Variants in ARHGAP15 observed in about 807,000 individuals in gnomAD.
ARHGAP15 encodes rho GTPase-activating protein 15.
In ARHGAP15, 51 loss-of-function variants were observed where a neutral mutation model predicts 63.7. The observed-to-expected ratio is 0.80, with a 90% confidence interval of 0.64 to 1.01. The LOEUF (loss-of-function observed/expected upper bound fraction) is 1.01. Ranked by LOEUF, ARHGAP15 falls within the 50% of genes least tolerant of loss-of-function variation. The pLI, the probability that ARHGAP15 is intolerant of heterozygous loss-of-function variation, is 0.00. For missense variants in ARHGAP15, 560 were observed against 564.6 expected (o/e 0.99, Z 0.08); for synonymous variants, 191 against 193.8 (o/e 0.99, Z 0.12).
intron 12 of ARHGAP15, among the ~76,000 whole-genome samples, chr2:143,671,571 G>T (rs925525896): frequency 6.6e-6 from 1 of 151,990 alleles, no homozygotes; most frequent in African/African-American, 2.4e-5. Flanking sequence ...ACACTTATAG[G>T]TGTCCAATTA....
chr2:143,639,435 C>T (rs945801102), intron 12 of ARHGAP15, among the ~76,000 whole-genome samples: 1 of 152,106 alleles, frequency 6.6e-6, no homozygotes, highest in Non-Finnish European at 1.5e-5. Context: ...GAAATTCAAA[C>T]ACACCTAGCA....
At chr2:143,297,814 A>T (rs188448218) in intron 6 of ARHGAP15, among the ~76,000 whole-genome samples, 40 of 152,140 alleles carry the variant, frequency 2.6e-4, no homozygotes, top group African/African-American at 9.4e-4. Flanking sequence ...AGAGAGCCTG[A>T]ATATTTCATG....
intron 8 of ARHGAP15, among the ~76,000 whole-genome samples, chr2:143,461,678 T>C (rs1690947198): frequency 6.6e-6 from 1 of 152,172 alleles, no homozygotes; most frequent in Non-Finnish European, 1.5e-5. Flanking sequence ...TTTTTCAGTG[T>C]CCATTTTCTT....
At chr2:143,134,183 A>G (rs200422904) in intron 1 of ARHGAP15, among the ~76,000 whole-genome samples, 1 of 54,268 alleles carries the variant, frequency 1.8e-5, no homozygotes, top group Non-Finnish European at 3.7e-5. Context: ...TCTATCTATC[A>G]TCTATCTATC....
chr2:143,563,449 A>T (rs892204707), intron 11 of ARHGAP15, among the ~76,000 whole-genome samples: 3 of 152,234 alleles, frequency 2.0e-5, no homozygotes, highest in Non-Finnish European at 1.5e-5. Flanking sequence ...CCAAATTCAT[A>T]GGCCTTCTGA....
chr2:143,429,565 C>T (rs910416534), intron 6 of ARHGAP15, among the ~76,000 whole-genome samples: 8 of 152,020 alleles, frequency 5.3e-5, no homozygotes, highest in Non-Finnish European at 1.0e-4. Context: ...GATGACACCA[C>T]TGAGGGTTCC....
rs1458694786 is a variant in ARHGAP15, at chr2:143,192,921, A to G, written c.166-9213A>G. Among the ~76,000 whole-genome samples the G allele has an allele frequency of 1.5e-4, 23 of 152,198 alleles. 1 individual carries two copies. Among genetic ancestry groups the G allele is most frequent in the Admixed American group, 1.5e-3 (23 of 15,282 alleles). ...TATCTATGAGAGGTCTGCTGTACTTACACCCATGGTAAATATCTTCTGACA... is the reference window on the plus strand; with the variant it reads ...TATCTATGAGAGGTCTGCTGTACTTGCACCCATGGTAAATATCTTCTGACA... On this transcript the variant is annotated intron_variant, in intron 2 of 13. Transcript: ENST00000295095.
chr2:143,418,845 A>G (rs1445594394), intron 6 of ARHGAP15, among the ~76,000 whole-genome samples: 2 of 152,204 alleles, frequency 1.3e-5, no homozygotes, highest in Non-Finnish European at 2.9e-5. Context: ...AGAGGGAAAG[A>G]GCAGTATTCA....
At chr2:143,166,647 C>T (rs974079558) in intron 2 of ARHGAP15, among the ~76,000 whole-genome samples, 1 of 152,106 alleles carries the variant, frequency 6.6e-6, no homozygotes, top group Non-Finnish European at 1.5e-5. Context: ...ACCACAAATA[C>T]TTTACACTAT....
At chr2:143,590,942 GCTCT>G (rs146715937) in intron 11 of ARHGAP15, among the ~76,000 whole-genome samples, 2 of 150,468 alleles carry the variant, frequency 1.3e-5, no homozygotes, top group Non-Finnish European at 3.0e-5. Flanking sequence ...ATGTATCTTT[GCTCT>G]CTCTCTCTCT....
At chr2:143,574,382 A>T (rs1240817481) in intron 11 of ARHGAP15, among the ~76,000 whole-genome samples, 1 of 152,158 alleles carries the variant, frequency 6.6e-6, no homozygotes, top group Non-Finnish European at 1.5e-5. Flanking sequence ...TCAAATGGGT[A>T]GAGAATGTTA....
chr2:143,180,642 C>T (rs1691197853), intron 2 of ARHGAP15, among the ~76,000 whole-genome samples: 1 of 152,092 alleles, frequency 6.6e-6, no homozygotes, highest in Admixed American at 6.6e-5. Flanking sequence ...ACTGCCTATG[C>T]AGCTATAGTC....
At chr2:143,378,856 A>C (rs944193566) in intron 6 of ARHGAP15, among the ~76,000 whole-genome samples, 3 of 152,104 alleles carry the variant, frequency 2.0e-5, no homozygotes, top group Non-Finnish European at 4.4e-5. Context: ...GTACACAAAA[A>C]GTGCAGTAGA....
chr2:143,502,787 C>T (rs1693125812), intron 9 of ARHGAP15, among the ~76,000 whole-genome samples: 1 of 152,104 alleles, frequency 6.6e-6, no homozygotes, highest in Non-Finnish European at 1.5e-5. Flanking sequence ...ACCATGTTGG[C>T]CAGGCTGGTC....
intron 8 of ARHGAP15, among the ~76,000 whole-genome samples, chr2:143,481,581 C>T (rs918050580): frequency 1.3e-5 from 2 of 152,028 alleles, no homozygotes; most frequent in African/African-American, 4.8e-5. Flanking sequence ...TGGGGGTTTT[C>T]TTTTTTGGTT....
chr2:143,532,647 A>C (rs1413606769), intron 10 of ARHGAP15, among the ~76,000 whole-genome samples: 14 of 152,340 alleles, frequency 9.2e-5, no homozygotes, highest in Admixed American at 7.8e-4. Flanking sequence ...TGAGCAGCCA[A>C]CAATTAGAGT....
intron 5 of ARHGAP15, 66 bp from the exon 6 acceptor site, chr2:143,250,445 C>G (rs188413540): frequency 9.5e-6 from 12 of 1,257,716 alleles, no homozygotes; most frequent in Non-Finnish European, 1.0e-5. Flanking sequence ...CAATAAACTC[C>G]TATTTCTCTG....
intron 11 of ARHGAP15, among the ~76,000 whole-genome samples, chr2:143,596,320 C>A (rs1697516815): frequency 6.6e-6 from 1 of 151,998 alleles, no homozygotes; most frequent in Non-Finnish European, 1.5e-5. Flanking sequence ...TAAAAACAAG[C>A]AAAAGGTTGT....
At chr2:143,635,915 T>C (rs1358555817) in intron 12 of ARHGAP15, among the ~76,000 whole-genome samples, 2 of 152,180 alleles carry the variant, frequency 1.3e-5, no homozygotes, top group African/African-American at 4.8e-5. Context: ...GGCTTATTTA[T>C]AGTTTTCTAT....
Sources: allele counts gnomAD v4.1 joint callset (sites outside exome capture counted in the v4.1 genomes callset), GRCh38; gene constraint gnomAD v4.1.1; transcripts MANE v1.5; gene names NCBI Gene and HGNC (gene_info 2026-07-23, HGNC 2026-07-21).